The following NAMPT variants were observed in gnomAD, a reference collection of about 807,000 sequenced individuals.
NAMPT encodes the protein NAmPRTase.
NAMPT carries 7 observed loss-of-function variants against 58.7 expected under a neutral mutation model. The observed-to-expected ratio is 0.12, with a 90% CI of 0.07 to 0.22. The LOEUF (loss-of-function observed/expected upper bound fraction) is 0.22. NAMPT is among the 10% of genes least tolerant of loss of function. NAMPT has a pLI of 1.00. For synonymous variants in NAMPT, 145 were observed against 198.1 expected (o/e 0.73, Z 2.25); for missense variants, 271 against 567.9 (o/e 0.48, Z 5.31).
chr7:106,273,394 A>T (rs1792575127), intron 3 of NAMPT, among the ~76,000 whole-genome samples: 1 of 152,180 alleles, frequency 6.6e-6, no homozygotes, highest in African/African-American at 2.4e-5. Flanking sequence ...AATCCTGATA[A>T]TTTATTTATG....
intron 6 of NAMPT, among the ~76,000 whole-genome samples, chr7:106,267,796 C>A (rs1470341235): frequency 1.6e-5 from 2 of 125,990 alleles, no homozygotes; most frequent in East Asian, 4.8e-4. Flanking sequence ...AGCCGAGATC[C>A]CGCCACTGCA....
At chr7:106,254,584 G>C in intron 8 of NAMPT, 80 bp from the exon 9 acceptor site, 1 of 1,446,632 alleles carries the variant, frequency 6.9e-7, no homozygotes, top group South Asian at 1.2e-5. Flanking sequence ...GGACAATATT[G>C]ATGAATGAAG....
chr7:106,256,083 T>G (rs1176227150), intron 8 of NAMPT, among the ~76,000 whole-genome samples: 4 of 152,212 alleles, frequency 2.6e-5, no homozygotes, highest in Non-Finnish European at 5.9e-5. Flanking sequence ...TTAATACATG[T>G]GAGACTTCAA....
chr7:106,277,778 T>C (rs1468520042), intron 1 of NAMPT, among the ~76,000 whole-genome samples: 1 of 152,202 alleles, frequency 6.6e-6, no homozygotes, highest in Non-Finnish European at 1.5e-5. Context: ...GGAAAATAAA[T>C]TCTTAAACAT....
At chr7:106,282,226 G>GA (rs1249608420) in intron 1 of NAMPT, among the ~76,000 whole-genome samples, 1 of 149,970 alleles carries the variant, frequency 6.7e-6, no homozygotes, top group Non-Finnish European at 1.5e-5. Flanking sequence ...CTTTTTTTTT[G>GA]AAAAAAAGCT....
At position 106,270,012 on chromosome 7, in the gene NAMPT, C is replaced by T. The variant is rs143625113; in HGVS notation, c.448-700G>A. The stretch of plus-strand genomic sequence containing the variant: ...TCACGTAAGTTACAGGAAACACTTC[C>T]GCATATGTTGTATAATCAAGGTCAC... On this transcript the variant is annotated intron_variant, in intron 4 of 10. Coordinates refer to ENST00000222553, the MANE Select transcript of NAMPT (RefSeq NM_005746.3). 4.0e-3 allele frequency among the ~76,000 whole-genome samples: 602 copies of T among 152,254 alleles called. 5 individuals carry two copies. Among genetic ancestry groups the T allele is most frequent in the African/African-American group, 0.014 (564 of 41,540 alleles).
At chr7:106,280,613 G>GT (rs1489979989) in intron 1 of NAMPT, among the ~76,000 whole-genome samples, 1 of 152,128 alleles carries the variant, frequency 6.6e-6, no homozygotes, top group African/African-American at 2.4e-5. Context: ...CCCTCCTGCT[G>GT]TTAAAAGAAC....
At chr7:106,274,197 A>G (rs1487211571) in intron 3 of NAMPT, among the ~76,000 whole-genome samples, 1 of 151,678 alleles carries the variant, frequency 6.6e-6, no homozygotes, top group African/African-American at 2.4e-5. Flanking sequence ...AACTTCCCAG[A>G]ATTATGTGTA....
At chr7:106,259,094 T>C (rs918646999) in intron 8 of NAMPT, among the ~76,000 whole-genome samples, 3 of 152,260 alleles carry the variant, frequency 2.0e-5, no homozygotes, top group Admixed American at 6.5e-5. Flanking sequence ...CACAGCATCT[T>C]TGCCAGCAGT....
At chr7:106,266,473 A>C (rs542544293) in intron 6 of NAMPT, among the ~76,000 whole-genome samples, 78 of 152,304 alleles carry the variant, frequency 5.1e-4, no homozygotes, top group African/African-American at 1.9e-3. Flanking sequence ...ACTTTGTTAA[A>C]GACACTCTTA....
intron 9 of NAMPT, 107 bp downstream of exon 9, chr7:106,254,257 T>G: frequency 7.9e-7 from 1 of 1,265,498 alleles, no homozygotes; most frequent in South Asian, 1.3e-5. Context: ...AACAACATAT[T>G]AACAGTCCAC....
chr7:106,285,123 T>C, upstream of NAMPT: 1 of 1,306,854 alleles, frequency 7.7e-7, no homozygotes, highest in Non-Finnish European at 9.8e-7. Flanking sequence ...TCTGGCGGAC[T>C]CCCCACCTCG....
rs1475268967 is a variant in NAMPT, at chr7:106,284,748, C to T, written c.57+80G>A. On this transcript the variant is annotated intron_variant, in intron 1 of 10. Coordinates refer to ENST00000222553, the MANE Select transcript of NAMPT (RefSeq NM_005746.3). ...CCAGCCCCAGCCCCAACCCCAGCCC[C>T]AGCCGCCCCCGCCCCCCTGCCGCGC... 5.0e-6 allele frequency: 6 copies of T among 1,206,118 alleles called. No homozygotes were observed. The Admixed American group carries it at 9.1e-5, about 18-fold the overall frequency. The allele number at this position is 1,206,118 out of a possible 1,614,324, so 74.7% of individuals were successfully genotyped here.
At chr7:106,269,405 G>A in intron 4 of NAMPT, 93 bp from the exon 5 acceptor site, 1 of 1,160,772 alleles carries the variant, frequency 8.6e-7, no homozygotes, top group South Asian at 1.5e-5. Context: ...TTGGAGGTAT[G>A]TCCTGAACTT....
chr7:106,271,973 A>C (rs1249499155), intron 4 of NAMPT: 8 of 219,828 alleles, frequency 3.6e-5, no homozygotes, highest in Non-Finnish European at 5.1e-5. Flanking sequence ...AAGAAAAACA[A>C]AAAAAAGGCT....
intron 1 of NAMPT, among the ~76,000 whole-genome samples, chr7:106,280,883 G>C (rs780570511): frequency 6.6e-6 from 1 of 151,662 alleles, no homozygotes; most frequent in African/African-American, 2.4e-5. Flanking sequence ...GGAGGTTGCC[G>C]TGAGCTGAGA....
chr7:106,270,682 ATGC>A (rs1381236140), intron 4 of NAMPT, among the ~76,000 whole-genome samples: 1 of 152,168 alleles, frequency 6.6e-6, no homozygotes, highest in Non-Finnish European at 1.5e-5. Flanking sequence ...CAAGACTACC[ATGC>A]TCTGAAGAAA....
chr7:106,251,300 G>T, intron 10 of NAMPT, 107 bp from the exon 11 acceptor site: 1 of 716,248 alleles, frequency 1.4e-6, no homozygotes, highest in Non-Finnish European at 2.4e-6. Context: ...AGATGCCAAT[G>T]GTGTTCAAAT....
intron 3 of NAMPT, among the ~76,000 whole-genome samples, 160 bp downstream of exon 3, chr7:106,274,786 C>T (rs1792601999): frequency 6.6e-6 from 1 of 152,158 alleles, no homozygotes; most frequent in Non-Finnish European, 1.5e-5. Flanking sequence ...ACCTAGGAAG[C>T]AGAGGTTGCA....
Sources: allele counts gnomAD v4.1 joint callset (sites outside exome capture counted in the v4.1 genomes callset), GRCh38; gene constraint gnomAD v4.1.1; transcripts MANE v1.5; gene names NCBI Gene and HGNC (gene_info 2026-07-23, HGNC 2026-07-21).